ZNF529: variants seen among roughly 807,000 people sequenced by gnomAD.
The protein encoded by ZNF529 is zinc finger protein 529.
Under a neutral mutation model 10.1 loss-of-function variants are expected in ZNF529, and 11 were observed. That is an observed-to-expected ratio of 1.09 (90% confidence interval 0.69 to 1.81). The LOEUF (loss-of-function observed/expected upper bound fraction) is 1.81, where lower values mean the gene tolerates loss of function less well. Ranked by LOEUF, ZNF529 falls within the 40% of genes most tolerant of loss-of-function variation. ZNF529 has a pLI of 0.00. For synonymous variants in ZNF529, 204 were observed against 215.7 expected (o/e 0.95, Z 0.47); for missense variants, 624 against 666.8 (o/e 0.94, Z 0.71).
intron 2 of ZNF529, among the ~76,000 whole-genome samples, chr19:36,567,646 C>T (rs1341858785): frequency 1.3e-5 from 2 of 151,944 alleles, no homozygotes; most frequent in Admixed American, 1.3e-4. Context: ...TTTCACCATG[C>T]TGGCCAGGCT....
chr19:36,554,561 G>A lies in ZNF529; in HGVS notation c.235+109C>T, dbSNP rs546835494. 5.3e-5 allele frequency: 50 copies of A among 942,968 alleles called. 1 individual carries two copies. The African/African-American group carries it at 7.8e-4, about 15-fold the overall frequency. The allele number at this position is 942,968 out of a possible 1,614,324, so 58.4% of individuals were successfully genotyped here. ...TCACTGCACTCCAACCTGGGTGACA[G>A]AGTGAGACTCCATCTCATAAACAAA... On this transcript the variant is annotated intron_variant, in intron 4 of 4. Coordinates refer to ENST00000591340, the MANE Select transcript of ZNF529 (RefSeq NM_020951.5).
intron 2 of ZNF529, among the ~76,000 whole-genome samples, chr19:36,563,147 C>T (rs763049588): frequency 4.6e-5 from 7 of 151,986 alleles, no homozygotes; most frequent in Admixed American, 1.3e-4. Context: ...GGGTGCCAGG[C>T]GCGGTGGCTC....
At chr19:36,566,714 T>C (rs1364730766) in intron 2 of ZNF529, among the ~76,000 whole-genome samples, 4 of 150,992 alleles carry the variant, frequency 2.6e-5, no homozygotes, top group African/African-American at 9.8e-5. Context: ...TGATACCTTG[T>C]CTCAAAAAAA....
At chr19:36,578,559 C>T (rs1291302897) in intron 2 of ZNF529, among the ~76,000 whole-genome samples, 1 of 151,476 alleles carries the variant, frequency 6.6e-6, no homozygotes, top group East Asian at 2.0e-4. Context: ...CCCGCCTCAG[C>T]CTCCAAAAGT....
At position 36,545,645 on chromosome 19, in the gene ZNF529, A is replaced by C. The variant is rs1211423427; in HGVS notation, c.*1221T>G. On this transcript the variant is annotated 3_prime_UTR_variant, in exon 5 of 5. Transcript: ENST00000591340. ...TTAAATGAGATTAGTTAAACCAAAG[A>C]AGGTCTGCTGATTGTTGAAATGCCC... is the stretch of plus-strand genomic sequence containing the variant. 1 of 152,200 alleles carries C rather than the reference A, an allele frequency of 6.6e-6. No homozygotes were observed. The highest frequency in any genetic ancestry group is 1.5e-5 in the Non-Finnish European group (1 of 68,042). The allele number at this position is 152,200 out of a possible 1,614,324, so 9.4% of individuals were successfully genotyped here. A position where few individuals can be genotyped will look rare whatever the true frequency, so the allele number is the denominator to read the frequency against.
intron 2 of ZNF529, among the ~76,000 whole-genome samples, chr19:36,572,112 C>T (rs900001677): frequency 1.3e-5 from 2 of 150,280 alleles, no homozygotes; most frequent in Non-Finnish European, 1.5e-5. Flanking sequence ...TTTAACTTCT[C>T]CTCCAGGAGT....
At chr19:36,593,602 C>A (rs1337445192) in intron 1 of ZNF529, among the ~76,000 whole-genome samples, 2 of 152,078 alleles carry the variant, frequency 1.3e-5, no homozygotes, top group Non-Finnish European at 2.9e-5. Context: ...ATAGTGGATG[C>A]TAAATATTAA....
chr19:36,588,446 A>C (rs1391593163), intron 2 of ZNF529, among the ~76,000 whole-genome samples: 1 of 152,150 alleles, frequency 6.6e-6, no homozygotes, highest in Non-Finnish European at 1.5e-5. Flanking sequence ...AAAGTGGATA[A>C]GTATCTCATG....
At chr19:36,580,501 A>C (rs1412878487) in intron 2 of ZNF529, 2 of 152,206 alleles carry the variant, frequency 1.3e-5, no homozygotes, top group Non-Finnish European at 2.9e-5. Flanking sequence ...GGAATTTTTC[A>C]GCTCCATTGT....
intron 1 of ZNF529, among the ~76,000 whole-genome samples, chr19:36,593,572 G>A (rs1023451748): frequency 2.0e-5 from 3 of 151,440 alleles, no homozygotes; most frequent in African/African-American, 2.4e-5. Flanking sequence ...TTACTGTTCC[G>A]AAAAAAAAGG....
At chr19:36,587,514 A>G (rs1188641960) in intron 2 of ZNF529, 2 of 152,188 alleles carry the variant, frequency 1.3e-5, no homozygotes, top group Admixed American at 6.5e-5. Flanking sequence ...CCTCAGATCT[A>G]CCTGACAGAA....
intron 1 of ZNF529, among the ~76,000 whole-genome samples, chr19:36,597,547 C>T (rs761745858): frequency 2.0e-5 from 3 of 152,166 alleles, no homozygotes; most frequent in Non-Finnish European, 4.4e-5. Context: ...TACAATCCAG[C>T]AATTCTACCC....
In ZNF529 at chr19:36,544,709, AAAC is replaced by A. The variant is rs1204902916; in HGVS notation, c.*2154_*2156del. 2 of 152,242 alleles carry A rather than the reference AAAC, an allele frequency of 1.3e-5. No homozygotes were observed. Among genetic ancestry groups the A allele is most frequent in the African/African-American group, 2.4e-5 (1 of 41,468 alleles). 9.4% of individuals were successfully genotyped at this position (152,242 alleles called of 1,614,324 possible). ...TCTTGTTCTTACTGTGTAGGACATG[AAAC>A]AACAACCAATTACATATCTTTTAAA... On this transcript the variant is annotated 3_prime_UTR_variant, in exon 5 of 5. Transcript: ENST00000591340.
rs183357751 is a variant in ZNF529, at chr19:36,601,209, C to T, written c.-128+3917G>A. Among the ~76,000 whole-genome samples, 15 of 148,866 alleles carry T rather than the reference C, an allele frequency of 1.0e-4. 1 individual carries two copies. Among genetic ancestry groups the T allele is most frequent in the Non-Finnish European group, 1.9e-4 (13 of 67,518 alleles). On this transcript the variant is annotated intron_variant, in intron 1 of 4. Transcript: ENST00000585960. The stretch of plus-strand genomic sequence containing the variant: ...TTTTTTTTTTTTTGAGACGGAGTCT[C>T]GCTCTGCCTCAGCCTCCCTGAGTAG...
At chr19:36,569,949 T>C (rs770042818) in intron 2 of ZNF529, among the ~76,000 whole-genome samples, 12 of 152,320 alleles carry the variant, frequency 7.9e-5, no homozygotes, top group Non-Finnish European at 1.8e-4. Flanking sequence ...AGATGGCTTT[T>C]GTTAACAATG....
Position 36,547,614 on chromosome 19 carries a change from C to T in ZNF529, c.944G>A (p.Cys315Tyr). ...TDEKTYKCMECGKDFRFHSQL... is the reference protein window; with the variant it reads ...TDEKTYKCMEYGKDFRFHSQL... Reference sequence around the variant, plus strand: ...TGAATGAAATCTGAAGTCCTTGCCACATTCCATACATTTGTAAGTTTTCTC... The same window carrying T: ...TGAATGAAATCTGAAGTCCTTGCCATATTCCATACATTTGTAAGTTTTCTC... The change falls in exon 5 of 5, where the codon TGT (cysteine) becomes TAT (tyrosine). Residue 315 changes from cysteine to tyrosine, a missense_variant. Physicochemically the swap from Cys to Tyr is radical, Grantham distance 194 (BLOSUM62 -2). Transcript: ENST00000591340. The T allele has an allele frequency of 1.2e-6, 2 of 1,613,708 alleles. No homozygotes were observed. The highest frequency in any genetic ancestry group is 1.7e-6 in the Non-Finnish European group (2 of 1,179,736).
upstream of ZNF529, among the ~76,000 whole-genome samples, chr19:36,578,167 C>T (rs572235698): frequency 1.9e-4 from 28 of 147,104 alleles, no homozygotes; most frequent in African/African-American, 5.8e-4. Flanking sequence ...CAGGTTCAAG[C>T]GATCCTCCTG....
intron 2 of ZNF529, chr19:36,580,609 G>A (rs1374461992): frequency 6.6e-6 from 1 of 152,142 alleles, no homozygotes; most frequent in Non-Finnish European, 1.5e-5. Context: ...ATGCTAGTAT[G>A]AACCTATAAT....
rs759376739 is a variant in ZNF529, at chr19:36,547,548, G to A, written c.1010C>T (p.Pro337Leu). The A allele has an allele frequency of 2.5e-6, 4 of 1,613,356 alleles. No individual in the cohort carries two copies. The highest frequency in any genetic ancestry group is 3.4e-6 in the Non-Finnish European group (4 of 1,179,412). Residue 337 changes from proline (P) to leucine (L), a missense_variant, in exon 5 of 5, where the codon CCC becomes CTC. Coordinates refer to ENST00000591340, the MANE Select transcript of ZNF529 (RefSeq NM_020951.5). ...EHQRIHTGEKPYKCMHCEKVF... is the reference protein window; with the variant it reads ...EHQRIHTGEKLYKCMHCEKVF... ...CTTCTCACAGTGCATACATTTGTAG[G>A]GTTTCTCACCAGTATGAATTCTCTG...
Sources: allele counts gnomAD v4.1 joint callset (sites outside exome capture counted in the v4.1 genomes callset), GRCh38; gene constraint gnomAD v4.1.1; transcripts MANE v1.5; gene names NCBI Gene and HGNC (gene_info 2026-07-23, HGNC 2026-07-21).